The following DPP6 variants were observed in gnomAD, a reference collection of about 807,000 sequenced individuals.
DPP6 encodes dipeptidyl peptidase like 6, also known as A-type potassium channel modulatory protein DPP6.
DPP6 carries 69 observed loss-of-function variants against 122.6 expected under a neutral mutation model. That is an observed-to-expected ratio of 0.56 (90% CI 0.46 to 0.69). The LOEUF (loss-of-function observed/expected upper bound fraction) is 0.69, where lower values mean the gene tolerates loss of function less well. Ranked by LOEUF, DPP6 falls within the 30% of genes least tolerant of loss-of-function variation. The pLI is 0.00. For missense variants in DPP6, 928 were observed against 1,116.9 expected (o/e 0.83, Z 2.41); for synonymous variants, 418 against 433.1 (o/e 0.97, Z 0.43).
At chr7:154,045,201 T>TTAA (rs371741301) in intron 1 of DPP6, among the ~76,000 whole-genome samples, 1 of 141,380 alleles carries the variant, frequency 7.1e-6, no homozygotes, top group African/African-American at 2.6e-5. Flanking sequence ...TTAGAAAAGA[T>TTAA]AAAAAAAAAA....
At chr7:154,159,107 G>A (rs7792310) in intron 1 of DPP6, among the ~76,000 whole-genome samples, 7,572 of 152,146 alleles carry the variant, frequency 0.05, 650 homozygotes, top group African/African-American at 0.17. Context: ...ATCAGAATAC[G>A]CCTTATTCAG....
At chr7:153,844,435 C>A in the DPP6 span, among the ~76,000 whole-genome samples, 1 of 152,142 alleles carries the variant, frequency 6.6e-6, no homozygotes, top group Non-Finnish European at 1.5e-5. Flanking sequence ...AAGATTTTAC[C>A]CATTGAATGG....
chr7:154,076,307 A>T (rs1339558596), intron 1 of DPP6, among the ~76,000 whole-genome samples: 1 of 152,128 alleles, frequency 6.6e-6, no homozygotes, highest in Non-Finnish European at 1.5e-5. Context: ...AAAATTAGCC[A>T]TGCACAGTGG....
Position 154,723,468 on chromosome 7 carries a change from T to TAAA in DPP6, c.763-4288_763-4286dup, listed in dbSNP as rs3080669. 9.3e-4 allele frequency among the ~76,000 whole-genome samples: 139 copies of TAAA among 149,186 alleles called. 1 individual carries two copies. Among genetic ancestry groups the TAAA allele is most frequent in the Admixed American group, 2.8e-3 (42 of 15,028 alleles). ...TGTAGGCTTACAACACATTTATTTT[T>TAAA]AAAAAAAAAAAAAGCTAAAACTTAG... is the stretch of plus-strand genomic sequence containing the variant. On this transcript the variant is annotated intron_variant, in intron 7 of 25. Transcript: ENST00000377770.
Position 154,317,705 on chromosome 7 carries a change from G to T in DPP6, c.244-128509G>T, listed in dbSNP as rs113116588. ...ATTATGGCCCCAGTAATGAATGGAT[G>T]TGTAATTAGAATTTTTATCATTATT... On this transcript the variant is annotated intron_variant, in intron 1 of 25. Coordinates refer to ENST00000377770, the MANE Select transcript of DPP6 (RefSeq NM_130797.4). Among the ~76,000 whole-genome samples the T allele has an allele frequency of 2.5e-3, 385 of 152,326 alleles. 3 individuals carry two copies. The highest frequency in any genetic ancestry group is 8.9e-3 in the African/African-American group (371 of 41,572).
the DPP6 span, among the ~76,000 whole-genome samples, chr7:153,826,449 A>C: frequency 1.3e-5 from 2 of 152,266 alleles, no homozygotes; most frequent in African/African-American, 4.8e-5. Flanking sequence ...CCATTGAAGA[A>C]TGGTCTCTCT....
intron 5 of DPP6, among the ~76,000 whole-genome samples, chr7:154,601,710 T>C (rs2130777792): frequency 8.3e-6 from 1 of 120,888 alleles, no homozygotes; most frequent in Middle Eastern, 4.2e-3. Context: ...GAGAACAGAT[T>C]AGCAAATTAT....
intron 13 of DPP6, among the ~76,000 whole-genome samples, chr7:154,802,478 G>A (rs1798433018): frequency 6.6e-6 from 1 of 152,176 alleles, no homozygotes; most frequent in Admixed American, 6.5e-5. Context: ...TAGAATGTCT[G>A]CAAGCTGTTG....
At chr7:154,061,242 C>G (rs566193084) in intron 1 of DPP6, among the ~76,000 whole-genome samples, 85 of 149,602 alleles carry the variant, frequency 5.7e-4, no homozygotes, top group Middle Eastern at 6.8e-3. Flanking sequence ...GGACCCGGAA[C>G]TTTTGAAATG....
At chr7:154,167,808 C>T (rs569943832) in intron 1 of DPP6, among the ~76,000 whole-genome samples, 1 of 152,298 alleles carries the variant, frequency 6.6e-6, no homozygotes, top group South Asian at 2.1e-4. Flanking sequence ...TTTTGCTAAA[C>T]CCTACAAACT....
rs1800445242 is a variant in DPP6, at chr7:154,223,893, G to A, written c.243+170830G>A. 1.3e-5 allele frequency among the ~76,000 whole-genome samples: 2 copies of A among 148,868 alleles called. 1 individual carries two copies. The highest frequency in any genetic ancestry group is 5.1e-5 in the African/African-American group (2 of 38,932). Reference sequence around the variant, plus strand: ...GAATAGAACACTCAGAGGCCACTGTGGCCCAGCCGGGGAAACATGACCTGA... The same window carrying A: ...GAATAGAACACTCAGAGGCCACTGTAGCCCAGCCGGGGAAACATGACCTGA... On this transcript the variant is annotated intron_variant, in intron 1 of 25. Transcript: ENST00000377770.
At chr7:154,432,337 T>C (rs1272403248) in intron 1 of DPP6, among the ~76,000 whole-genome samples, 3 of 152,232 alleles carry the variant, frequency 2.0e-5, no homozygotes, top group Admixed American at 6.5e-5. Context: ...GGAATGTGTA[T>C]GTTGCTGTCA....
At chr7:154,314,525 G>A (rs771768803) in intron 1 of DPP6, among the ~76,000 whole-genome samples, 5 of 152,162 alleles carry the variant, frequency 3.3e-5, no homozygotes, top group Non-Finnish European at 7.3e-5. Flanking sequence ...TTTCCAAAGG[G>A]CACGTCTTTT....
the DPP6 span, among the ~76,000 whole-genome samples, chr7:153,810,443 G>A: frequency 1.3e-5 from 2 of 152,080 alleles, no homozygotes; most frequent in African/African-American, 2.4e-5. Context: ...AATACCTGGA[G>A]CGAAAGGAAT....
chr7:153,962,488 G>A (rs925389551), intron 1 of DPP6, among the ~76,000 whole-genome samples: 9 of 152,110 alleles, frequency 5.9e-5, no homozygotes, highest in Admixed American at 5.2e-4. Flanking sequence ...AAGATCATAT[G>A]GTCACTGTGT....
chr7:154,195,602 A>C (rs995164029), intron 1 of DPP6, among the ~76,000 whole-genome samples: 1 of 152,206 alleles, frequency 6.6e-6, no homozygotes, highest in African/African-American at 2.4e-5. Context: ...CAAAATGTGG[A>C]GGAAGATGGC....
At chr7:153,751,315 C>A in the DPP6 span, among the ~76,000 whole-genome samples, 1 of 152,280 alleles carries the variant, frequency 6.6e-6, no homozygotes, top group African/African-American at 2.4e-5. Flanking sequence ...TTGGCAAATT[C>A]TTATCATTTG....
the DPP6 span, among the ~76,000 whole-genome samples, chr7:153,802,560 C>G: frequency 8.2e-4 from 125 of 152,174 alleles, no homozygotes; most frequent in African/African-American, 2.9e-3. Flanking sequence ...CATCTGATTA[C>G]CCCTCTTCCA....
chr7:154,648,923 A>G (rs143210034), intron 6 of DPP6, among the ~76,000 whole-genome samples: 18,465 of 147,142 alleles, frequency 0.13, 1,491 homozygotes, highest in Non-Finnish European at 0.18. Context: ...ATCTTAAAAA[A>G]AAAAAAAAAA....
Sources: allele counts gnomAD v4.1 joint callset (sites outside exome capture counted in the v4.1 genomes callset), GRCh38; gene constraint gnomAD v4.1.1; transcripts MANE v1.5; gene names NCBI Gene and HGNC (gene_info 2026-07-23, HGNC 2026-07-21).